Variants in SIK3 observed in about 807,000 individuals in gnomAD.
The protein encoded by SIK3 is SIK family kinase 3, also known as serine/threonine-protein kinase SIK3.
A neutral mutation model predicts 144.2 loss-of-function variants in SIK3; 28 were observed. That is an observed-to-expected ratio of 0.19 (90% CI 0.14 to 0.27). SIK3 has a LOEUF of 0.27. Among genes scored for constraint, SIK3 ranks in the 10% least tolerant of loss-of-function variants. SIK3 has a pLI of 1.00. For missense variants in SIK3, 1,319 were observed against 1,776.0 expected (o/e 0.74, Z 4.62); for synonymous variants, 686 against 676.3 (o/e 1.01, Z -0.22).
rs1331821503 is a variant in SIK3, at chr11:116,861,302, G to T, written c.2397C>A (p.Pro799=). 4.4e-6 allele frequency: 7 copies of T among 1,594,586 alleles called. No individual in the cohort carries two copies. The highest frequency in any genetic ancestry group is 2.3e-5 in the South Asian group (2 of 87,888). ...LFRQPSNSPP[P]MSSAMIQPHG... ...GAGGCTGGATCATGGCACTGCTCAT[G>T]GGGGGAGGACTATTACTGGGCTGCC... Residue 799 remains proline (P), a synonymous_variant, in exon 19 of 25, where the codon CCC becomes CCA. Transcript: ENST00000445177.
At chr11:116,893,604 C>G (rs760904130) in intron 6 of SIK3, among the ~76,000 whole-genome samples, 4 of 151,934 alleles carry the variant, frequency 2.6e-5, no homozygotes, top group African/African-American at 4.8e-5. Context: ...CCTGGGAGGT[C>G]CAGCTGCAGT....
intron 6 of SIK3, among the ~76,000 whole-genome samples, chr11:116,891,150 A>C (rs1298210332): frequency 6.6e-6 from 1 of 152,156 alleles, no homozygotes; most frequent in Non-Finnish European, 1.5e-5. Context: ...CTATAAAAAA[A>C]TGTTTAAAAA....
chr11:116,911,155 CAA>C (rs1373703298), intron 4 of SIK3, among the ~76,000 whole-genome samples: 1 of 152,000 alleles, frequency 6.6e-6, no homozygotes, highest in Non-Finnish European at 1.5e-5. Context: ...CAAAACAAAA[CAA>C]AAACAATATG....
intron 1 of SIK3, among the ~76,000 whole-genome samples, chr11:117,027,529 C>T (rs1047743703): frequency 6.6e-6 from 1 of 151,910 alleles, no homozygotes. Flanking sequence ...ATGGTGCAAT[C>T]TCGGCTCACT....
intron 1 of SIK3, among the ~76,000 whole-genome samples, chr11:117,035,390 A>G (rs941273311): frequency 6.6e-6 from 1 of 152,236 alleles, no homozygotes; most frequent in Admixed American, 6.5e-5. Context: ...CTATCAATTC[A>G]TTAATTCTAT....
At chr11:117,033,810 A>G (rs1386027324) in intron 1 of SIK3, among the ~76,000 whole-genome samples, 1 of 152,014 alleles carries the variant, frequency 6.6e-6, no homozygotes, top group African/African-American at 2.4e-5. Flanking sequence ...AATGGATATA[A>G]GAAGATTGAT....
chr11:117,081,337 C>T (rs1205455338), intron 1 of SIK3, among the ~76,000 whole-genome samples: 1 of 152,054 alleles, frequency 6.6e-6, no homozygotes, highest in Non-Finnish European at 1.5e-5. Flanking sequence ...GTCTTTGAGG[C>T]TAGAGGCCGG....
At chr11:117,060,558 T>C (rs1953747634) in intron 1 of SIK3, among the ~76,000 whole-genome samples, 2 of 149,786 alleles carry the variant, frequency 1.3e-5, no homozygotes, top group South Asian at 4.3e-4. Flanking sequence ...GAGCATGCCA[T>C]TGCACTCCAG....
chr11:116,934,588 C>G (rs1010377303), intron 3 of SIK3, among the ~76,000 whole-genome samples: 1 of 152,308 alleles, frequency 6.6e-6, no homozygotes, highest in African/African-American at 2.4e-5. Context: ...ACAGGATATG[C>G]TTTAGTTTTG....
chr11:116,953,011 T>C (rs1410143596), intron 3 of SIK3, among the ~76,000 whole-genome samples: 1 of 152,106 alleles, frequency 6.6e-6, no homozygotes, highest in East Asian at 1.9e-4. Context: ...TAAGAAATAA[T>C]GATACCTCTT....
At chr11:116,850,613 T>C (rs1364984680) in intron 21 of SIK3, among the ~76,000 whole-genome samples, 1 of 152,276 alleles carries the variant, frequency 6.6e-6, no homozygotes, top group Non-Finnish European at 1.5e-5. Flanking sequence ...TCATTCACAT[T>C]AGACTATAAA....
At chr11:117,094,513 C>G (rs533829823) in intron 1 of SIK3, among the ~76,000 whole-genome samples, 21 of 152,218 alleles carry the variant, frequency 1.4e-4, no homozygotes, top group Non-Finnish European at 2.9e-4. Flanking sequence ...GAAGCTGAGG[C>G]AGGAGGATCT....
chr11:116,881,830 C>G (rs1203550027), intron 6 of SIK3, among the ~76,000 whole-genome samples: 3 of 152,030 alleles, frequency 2.0e-5, no homozygotes, highest in Non-Finnish European at 4.4e-5. Flanking sequence ...AGTGCTAAAC[C>G]CTTTAAGTTA....
chr11:116,997,501 C>T (rs1273129101), intron 1 of SIK3, among the ~76,000 whole-genome samples: 1 of 152,166 alleles, frequency 6.6e-6, no homozygotes, highest in Non-Finnish European at 1.5e-5. Context: ...AATCACAGTA[C>T]TTACTGACTT....
At chr11:117,061,402 T>C (rs1953789311) in intron 1 of SIK3, among the ~76,000 whole-genome samples, 1 of 152,208 alleles carries the variant, frequency 6.6e-6, no homozygotes, top group East Asian at 1.9e-4. Context: ...AAACTCTGCT[T>C]GGGCTCAGTC....
intron 1 of SIK3, among the ~76,000 whole-genome samples, chr11:117,008,063 G>C (rs539928812): frequency 1.0e-5 from 1 of 100,176 alleles, no homozygotes; most frequent in South Asian, 3.7e-4. Context: ...GCAACAGAGA[G>C]AGACTCCATC....
chr11:116,859,163 T>G lies in SIK3; in HGVS notation c.2765+102A>C. 7 of 1,082,262 alleles carry G rather than the reference T, an allele frequency of 6.5e-6. No homozygotes were observed. The South Asian group carries it at 1.1e-4, about 17-fold the overall frequency. 67.0% of individuals were successfully genotyped at this position (1,082,262 alleles called of 1,614,324 possible). A position where few individuals can be genotyped will look rare whatever the true frequency, so the allele number is the denominator to read the frequency against. ...AGCGTGAAACAAGAGCACAGCCTAGTCAGACCCATTCTCCTTCCCTCCTTT... is the reference window on the plus strand; with the variant it reads ...AGCGTGAAACAAGAGCACAGCCTAGGCAGACCCATTCTCCTTCCCTCCTTT... On this transcript the variant is annotated intron_variant, in intron 20 of 24. Transcript: ENST00000445177.
intron 1 of SIK3, among the ~76,000 whole-genome samples, chr11:116,981,641 C>G (rs1950143586): frequency 6.6e-6 from 1 of 152,190 alleles, no homozygotes; most frequent in Non-Finnish European, 1.5e-5. Flanking sequence ...AAATAACCAA[C>G]TCATAGTTGC....
chr11:116,854,694 G>A (rs540238094), intron 21 of SIK3, among the ~76,000 whole-genome samples: 45 of 152,332 alleles, frequency 3.0e-4, no homozygotes, highest in African/African-American at 1.0e-3. Context: ...TGCCTGCAGA[G>A]TGGTGGGGGC....
Sources: gnomAD v4.1 joint callset for allele counts (sites outside exome capture counted in the v4.1 genomes callset) on GRCh38, gnomAD v4.1.1 for gene constraint, MANE v1.5 for transcripts, NCBI Gene and HGNC (gene_info 2026-07-23, HGNC 2026-07-21) for gene names.